KIAA0825: variants seen among roughly 807,000 people sequenced by gnomAD.
KIAA0825 encodes uncharacterized protein KIAA0825.
A neutral mutation model predicts 147.6 loss-of-function variants in KIAA0825; 119 were observed. The observed-to-expected ratio is 0.81, with a 90% confidence interval of 0.69 to 0.94. KIAA0825 has a LOEUF of 0.94. Among genes scored for constraint, KIAA0825 ranks in the 40% least tolerant of loss-of-function variants. KIAA0825 has a pLI of 0.00. For synonymous variants in KIAA0825, 470 were observed against 518.1 expected (o/e 0.91, Z 1.26); for missense variants, 1,381 against 1,472.7 (o/e 0.94, Z 1.02).
At chr5:94,326,120 T>C (rs534374172) in intron 20 of KIAA0825, among the ~76,000 whole-genome samples, 2 of 152,134 alleles carry the variant, frequency 1.3e-5, no homozygotes, top group Admixed American at 6.6e-5. Flanking sequence ...CCATTCATAC[T>C]AGAGACATGT....
intron 20 of KIAA0825, among the ~76,000 whole-genome samples, chr5:94,292,313 A>T (rs943349368): frequency 2.0e-5 from 3 of 152,158 alleles, no homozygotes; most frequent in Non-Finnish European, 2.9e-5. Context: ...AGTTTTTAGC[A>T]TGAAGGGCTG....
intron 12 of KIAA0825, among the ~76,000 whole-genome samples, 200 bp downstream of exon 12, chr5:94,462,187 C>T (rs970384288): frequency 2.0e-5 from 3 of 151,802 alleles, no homozygotes; most frequent in African/African-American, 4.8e-5. Flanking sequence ...AACACATTTT[C>T]GGGCACTGAA....
chr5:94,598,705 G>C (rs1405509945), intron 1 of KIAA0825, among the ~76,000 whole-genome samples: 1 of 152,018 alleles, frequency 6.6e-6, no homozygotes, highest in African/African-American at 2.4e-5. Context: ...ACAAACACAA[G>C]TAATGCATTA....
intron 15 of KIAA0825, among the ~76,000 whole-genome samples, chr5:94,407,209 G>A (rs1190848334): frequency 6.6e-6 from 1 of 152,148 alleles, no homozygotes; most frequent in African/African-American, 2.4e-5. Flanking sequence ...CTGAGAAAGC[G>A]CTAATCTCTC....
intron 20 of KIAA0825, among the ~76,000 whole-genome samples, chr5:94,172,728 T>C (rs1283539230): frequency 6.6e-6 from 1 of 152,204 alleles, no homozygotes; most frequent in African/African-American, 2.4e-5. Context: ...ATGGACCTAC[T>C]ATACTTACGG....
In KIAA0825 at chr5:94,484,941, A is replaced by T. The variant is rs141757798; in HGVS notation, c.971-11T>A. 4.1e-6 allele frequency: 6 copies of T among 1,472,912 alleles called. No homozygotes were observed. In the East Asian group the frequency reaches 1.5e-4, roughly 37 times the overall value. The allele number at this position is 1,472,912 out of a possible 1,614,324, so 91.2% of individuals were successfully genotyped here. On this transcript the variant is annotated splice_polypyrimidine_tract_variant and intron_variant, in intron 5 of 20. Transcript: ENST00000682413. ...GGCATTCAGTAGTAACTGTGAAAAG[A>T]AAAGATCAATACTGTCATACATTTT...
chr5:94,440,269 G>T, intron 13 of KIAA0825, 148 bp from the exon 14 acceptor site: 1 of 826,466 alleles, frequency 1.2e-6, no homozygotes, highest in Non-Finnish European at 1.8e-6. Flanking sequence ...CTTACTTTAG[G>T]GTTGCCTGGG....
At chr5:94,348,473 G>A (rs1302834024) in intron 20 of KIAA0825, among the ~76,000 whole-genome samples, 1 of 152,212 alleles carries the variant, frequency 6.6e-6, no homozygotes, top group African/African-American at 2.4e-5. Context: ...CAAGCTAGAA[G>A]GGACTGGGGC....
intron 5 of KIAA0825, among the ~76,000 whole-genome samples, chr5:94,510,040 A>T (rs1766266840): frequency 6.6e-6 from 1 of 152,216 alleles, no homozygotes; most frequent in African/African-American, 2.4e-5. Context: ...TTAACAATAT[A>T]GCTTTCTCTG....
intron 20 of KIAA0825, among the ~76,000 whole-genome samples, chr5:94,329,082 A>G (rs1358467634): frequency 6.6e-6 from 1 of 152,122 alleles, no homozygotes; most frequent in Non-Finnish European, 1.5e-5. Flanking sequence ...CTAAACCCAA[A>G]GAAATGGAAA....
At chr5:94,243,254 C>T (rs1303754110) in intron 20 of KIAA0825, among the ~76,000 whole-genome samples, 1 of 152,106 alleles carries the variant, frequency 6.6e-6, no homozygotes. Context: ...ATGTTTTAAC[C>T]TTTGTGGGTT....
At chr5:94,606,004 A>G (rs992269382) in intron 1 of KIAA0825, among the ~76,000 whole-genome samples, 2 of 152,230 alleles carry the variant, frequency 1.3e-5, no homozygotes, top group Admixed American at 6.5e-5. Flanking sequence ...TTCTATATCT[A>G]GAAAACCCCA....
intron 20 of KIAA0825, among the ~76,000 whole-genome samples, chr5:94,296,451 G>GA (rs1778142680): frequency 6.6e-6 from 1 of 152,136 alleles, no homozygotes; most frequent in Non-Finnish European, 1.5e-5. Context: ...ACTGGGGTAT[G>GA]AAAAAAATAC....
chr5:94,375,418 A>T (rs1038951990), intron 20 of KIAA0825, among the ~76,000 whole-genome samples: 11 of 151,984 alleles, frequency 7.2e-5, no homozygotes, highest in African/African-American at 2.7e-4. Context: ...CTCTAGCCAT[A>T]ATCTCTAACC....
At chr5:94,465,767 A>AC (rs1238928102) in intron 10 of KIAA0825, among the ~76,000 whole-genome samples, 1 of 152,060 alleles carries the variant, frequency 6.6e-6, no homozygotes, top group Non-Finnish European at 1.5e-5. Flanking sequence ...ATTCCTTTCC[A>AC]CCCCTGTACA....
chr5:94,356,421 C>A (rs1784258747), intron 20 of KIAA0825, among the ~76,000 whole-genome samples: 1 of 151,594 alleles, frequency 6.6e-6, no homozygotes, highest in Non-Finnish European at 1.5e-5. Context: ...TCCTGGCTAA[C>A]ATGGTGAAAC....
At chr5:94,249,918 G>A (rs1406875774) in intron 20 of KIAA0825, among the ~76,000 whole-genome samples, 1 of 151,142 alleles carries the variant, frequency 6.6e-6, no homozygotes, top group Non-Finnish European at 1.5e-5. Flanking sequence ...TTGTTCAGAT[G>A]GTTCCTAAAA....
intron 5 of KIAA0825, among the ~76,000 whole-genome samples, chr5:94,491,067 C>A (rs1411805815): frequency 6.6e-6 from 1 of 151,916 alleles, no homozygotes; most frequent in Non-Finnish European, 1.5e-5. Flanking sequence ...AGAAGCTACA[C>A]AATCAGATAA....
In KIAA0825 at chr5:94,280,796, C is replaced by T. The variant is rs539632904; in HGVS notation, c.3710+103572G>A. Among the ~76,000 whole-genome samples the T allele has an allele frequency of 4.6e-5, 7 of 152,116 alleles. No individual in the cohort carries two copies. The South Asian group carries it at 8.3e-4, about 18-fold the overall frequency. On this transcript the variant is annotated intron_variant, in intron 20 of 20. Coordinates refer to ENST00000682413, the MANE Select transcript of KIAA0825 (RefSeq NM_001145678.3). ...AAAAAGATGAGACTTCTGGTGCAGA[C>T]GGTTACTAAACACCACCAGCTGCTC...
Sources: allele counts gnomAD v4.1 joint callset (sites outside exome capture counted in the v4.1 genomes callset), GRCh38; gene constraint gnomAD v4.1.1; transcripts MANE v1.5; gene names NCBI Gene and HGNC (gene_info 2026-07-23, HGNC 2026-07-21).